MAPT: variants seen among roughly 807,000 people sequenced by gnomAD.
MAPT encodes the protein microtubule associated protein tau, also known as microtubule-associated protein tau.
A neutral mutation model predicts 67.9 loss-of-function variants in MAPT; 34 were observed. The ratio of observed to expected loss-of-function variants is 0.50; its 90% CI spans 0.38 to 0.67. MAPT has a LOEUF of 0.67. MAPT is among the 30% of genes least tolerant of loss of function. MAPT has a pLI of 0.00. For synonymous variants in MAPT, 456 were observed against 464.5 expected (o/e 0.98, Z 0.23); for missense variants, 881 against 1,115.2 (o/e 0.79, Z 2.99).
chr17:45,904,030 ATATATTATATATTTATATATATTATATAT>A lies in MAPT; in HGVS notation c.-18+9350_-18+9378del, dbSNP rs1483225377. 2.4e-3 allele frequency among the ~76,000 whole-genome samples: 97 copies of A among 40,162 alleles called. 3 individuals carry two copies. Among genetic ancestry groups the A allele is most frequent in the Non-Finnish European group, 3.7e-3 (83 of 22,600 alleles). 26.3% of individuals were successfully genotyped at this position (40,162 alleles called of 152,430 possible). Reference sequence around the variant, plus strand: ...TATATATATTATATATTATATATTTATATATTATATATTTATATATATTATATATTATATATTATATATTTATATATTAT... The same window carrying A: ...TATATATATTATATATTATATATTTATATATATTATATATTTATATATTAT... On this transcript the variant is annotated intron_variant, in intron 1 of 12. Transcript: ENST00000262410.
chr17:45,987,008 G>A (rs1203751166), intron 5 of MAPT, 32 bp from the exon 6 acceptor site: 1 of 1,597,550 alleles, frequency 6.3e-7, no homozygotes, highest in East Asian at 2.2e-5. Context: ...AAAATGGAGT[G>A]TGACAAGCAT....
At chr17:46,006,508 A>G (rs1442313276) in intron 9 of MAPT, among the ~76,000 whole-genome samples, 1 of 152,168 alleles carries the variant, frequency 6.6e-6, no homozygotes, top group African/African-American at 2.4e-5. Context: ...TAGATCTAGT[A>G]TTGGATAGCA....
At chr17:45,934,816 T>C (rs1309547136) in intron 1 of MAPT, among the ~76,000 whole-genome samples, 2 of 152,210 alleles carry the variant, frequency 1.3e-5, no homozygotes, top group Admixed American at 6.5e-5. Context: ...TTGCCTTGTC[T>C]GCAAAGTGGA....
At position 46,009,370 on chromosome 17, in the gene MAPT, G is replaced by GGACACCCCACATTTGTCTTCCC. The variant is rs1329642860; in HGVS notation, c.1999-940_1999-939insGACACCCCACATTTGTCTTCCC. Among the ~76,000 whole-genome samples the GGACACCCCACATTTGTCTTCCC allele has an allele frequency of 2.3e-4, 26 of 112,872 alleles. 2 individuals carry two copies. Among genetic ancestry groups the GGACACCCCACATTTGTCTTCCC allele is most frequent in the Non-Finnish European group, 4.3e-4 (18 of 41,760 alleles). The allele number at this position is 112,872 out of a possible 152,430, so 74.0% of individuals were successfully genotyped here. A position where few individuals can be genotyped will look rare whatever the true frequency, so the allele number is the denominator to read the frequency against. On this transcript the variant is annotated intron_variant, in intron 9 of 12. Coordinates refer to ENST00000262410, the MANE Select transcript of MAPT (RefSeq NM_001377265.1). Reference sequence around the variant, plus strand: ...TGGTTTTCTATTTCATAGTTCTTAGGCAAATTGGTAAAAATCATTTCTCAT... The same window carrying GGACACCCCACATTTGTCTTCCC: ...TGGTTTTCTATTTCATAGTTCTTAGGGACACCCCACATTTGTCTTCCCCAAATTGGTAAAAATCATTTCTCAT...
intron 1 of MAPT, among the ~76,000 whole-genome samples, chr17:45,954,983 TCAAAAA>T (rs560535735): frequency 9.9e-5 from 15 of 151,880 alleles, no homozygotes; most frequent in East Asian, 1.9e-4. Flanking sequence ...AGACTCCGTC[TCAAAAA>T]CAAAAACAAA....
At position 45,974,589 on chromosome 17, in the gene MAPT, G is replaced by A. The variant is rs1477337386; in HGVS notation, c.220+2644G>A. 1.7e-5 allele frequency: 13 copies of A among 785,786 alleles called. No homozygotes were observed. The Admixed American group carries it at 2.6e-4, about 16-fold the overall frequency. The allele number at this position is 785,786 out of a possible 1,614,324, so 48.7% of individuals were successfully genotyped here. On this transcript the variant is annotated intron_variant, in intron 3 of 12. Transcript: ENST00000262410. ...ATCCTCCTGTGGGGCAGGAACATGG[G>A]TGGATTCTGGCTCCTGGGAATCTTG...
At chr17:46,003,020 G>A (rs1338197817) in intron 9 of MAPT, among the ~76,000 whole-genome samples, 1 of 152,118 alleles carries the variant, frequency 6.6e-6, no homozygotes. Context: ...CTGGGCTCAA[G>A]TGATCCTCCT....
At chr17:45,937,716 G>A (rs1018060047) in intron 1 of MAPT, among the ~76,000 whole-genome samples, 3 of 151,856 alleles carry the variant, frequency 2.0e-5, no homozygotes, top group Non-Finnish European at 4.4e-5. Context: ...GGGGCCCTCA[G>A]TGTGCACAAC....
At chr17:45,951,285 A>C (rs1178355671) in intron 1 of MAPT, among the ~76,000 whole-genome samples, 1 of 152,250 alleles carries the variant, frequency 6.6e-6, no homozygotes, top group Admixed American at 6.5e-5. Flanking sequence ...GATAGAGGTG[A>C]TAGTTGTACA....
chr17:45,987,212 G>T, intron 6 of MAPT, 117 bp downstream of exon 6: 1 of 950,968 alleles, frequency 1.1e-6, no homozygotes. Flanking sequence ...AAGTACAGCT[G>T]TCATTTAAAG....
At chr17:45,916,560 G>A (rs894364044) in intron 1 of MAPT, among the ~76,000 whole-genome samples, 7 of 152,300 alleles carry the variant, frequency 4.6e-5, no homozygotes, top group South Asian at 2.1e-4. Context: ...GGAAGAGAAA[G>A]GAGGGGCCCA....
At chr17:45,962,825 T>C (rs1490518075) in intron 2 of MAPT, among the ~76,000 whole-genome samples, 2 of 151,942 alleles carry the variant, frequency 1.3e-5, no homozygotes, top group Non-Finnish European at 2.9e-5. Context: ...CTCAGGATGC[T>C]GAGGCAGAAG....
chr17:45,993,220 G>T (rs773023929), intron 8 of MAPT, among the ~76,000 whole-genome samples: 1 of 152,232 alleles, frequency 6.6e-6, no homozygotes, highest in African/African-American at 2.4e-5. Flanking sequence ...GCCGTGCAGT[G>T]GCACCCCCAA....
At chr17:45,978,846 T>TA in intron 4 of MAPT, 1 of 167,368 alleles carries the variant, frequency 6.0e-6, no homozygotes, top group South Asian at 1.6e-4. Context: ...TCACTACAAA[T>TA]AAAAAAATTA....
intron 2 of MAPT, among the ~76,000 whole-genome samples, chr17:45,969,503 C>T (rs2071420553): frequency 6.6e-6 from 1 of 151,110 alleles, no homozygotes; most frequent in Admixed American, 6.6e-5. Flanking sequence ...ATTATACATA[C>T]ATCCAATCAT....
At chr17:46,004,978 G>A (rs2075309163) in intron 9 of MAPT, among the ~76,000 whole-genome samples, 1 of 152,124 alleles carries the variant, frequency 6.6e-6, no homozygotes, top group East Asian at 1.9e-4. Flanking sequence ...TAGAGACGGG[G>A]TTTCACCGTG....
Position 45,982,871 on chromosome 17 carries a change from T to G in MAPT, c.292T>G (p.Leu98Val). Residue 98 changes from leucine to valine, a missense_variant, in exon 5 of 13, where the codon TTG (leucine) becomes GTG (valine). Leu to Val is a conservative substitution (Grantham distance 32). Around this residue, in one of 6 missense-constraint regions of MAPT, gnomAD observed 687 missense variants for 766.1 expected, o/e 0.90. Coordinates refer to ENST00000262410, the MANE Select transcript of MAPT (RefSeq NM_001377265.1). ...TCGCTGCCTCTTCAAACCAGAGGAG[T>G]TGAGAGTTCCGGGCCGGCAGAGGAA... is the stretch of plus-strand genomic sequence containing the variant. Reference protein sequence around the residue: ...EAAGHVTQEELRVPGRQRKAP... With the variant: ...EAAGHVTQEEVRVPGRQRKAP... 7.7e-7 allele frequency: 1 copy of G among 1,293,998 alleles called. No individual in the cohort carries two copies. The highest frequency in any genetic ancestry group is 9.8e-7 in the Non-Finnish European group (1 of 1,020,744). The allele number at this position is 1,293,998 out of a possible 1,614,324, so 80.2% of individuals were successfully genotyped here. A position where few individuals can be genotyped will look rare whatever the true frequency, so the allele number is the denominator to read the frequency against.
intron 1 of MAPT, among the ~76,000 whole-genome samples, chr17:45,930,656 T>C (rs1351114864): frequency 6.6e-6 from 1 of 152,232 alleles, no homozygotes; most frequent in Non-Finnish European, 1.5e-5. Context: ...GCTTGTGTTC[T>C]TTTCACTACC....
At chr17:45,908,802 T>TC (rs2064523274) in intron 1 of MAPT, among the ~76,000 whole-genome samples, 1 of 152,072 alleles carries the variant, frequency 6.6e-6, no homozygotes, top group Non-Finnish European at 1.5e-5. Flanking sequence ...CACGTTCTCC[T>TC]CCACATTTAA....
Sources: allele counts gnomAD v4.1 joint callset (sites outside exome capture counted in the v4.1 genomes callset), GRCh38; gene constraint gnomAD v4.1.1; regional missense constraint gnomAD v4.1.1; transcripts MANE v1.5; gene names NCBI Gene and HGNC (gene_info 2026-07-23, HGNC 2026-07-21).